RP1L1: variants seen among roughly 807,000 people sequenced by gnomAD.
The protein encoded by RP1L1 is RP1 like 1.
A neutral mutation model predicts 15.7 loss-of-function variants in RP1L1; 27 were observed. The observed-to-expected ratio is 1.72, with a 90% confidence interval of 1.27 to 2.38. The LOEUF (loss-of-function observed/expected upper bound fraction) is 2.38. Ranked by LOEUF, RP1L1 falls within the 30% of genes most tolerant of loss-of-function variation. The pLI is 0.00. For missense variants in RP1L1, 4,798 were observed against 3,075.9 expected, an observed-to-expected ratio of 1.56 and a Z score of -13.24; for synonymous variants, 1,813 against 1,276.7, an observed-to-expected ratio of 1.42 and a Z score of -8.96.
At chr8:10,654,420 C>T (rs1798608227) in intron 1 of RP1L1, among the ~76,000 whole-genome samples, 2 of 152,098 alleles carry the variant, frequency 1.3e-5, no homozygotes, top group Admixed American at 1.3e-4. Context: ...TTCAGAGATT[C>T]TTGAAGTCTC....
rs1563123764 is a variant in RP1L1, at chr8:10,611,164, C to G, written c.2934G>C (p.Glu978Asp). ...GGCCACCCCCAGCTGCACCTGTGGTCTCGTCCGCCAACTCATATGTCATGA... is the reference window on the plus strand; with the variant it reads ...GGCCACCCCCAGCTGCACCTGTGGTGTCGTCCGCCAACTCATATGTCATGA... ...PILMTYELAD[E>D]TTGAAGGGLR... The change falls in exon 4 of 4, where the codon GAG (glutamate) becomes GAC (aspartate). Residue 978 changes from glutamate to aspartate, a missense_variant. Physicochemically the swap from Glu to Asp is conservative, Grantham distance 45 (BLOSUM62 2). Transcript: ENST00000382483. 1.2e-6 allele frequency: 2 copies of G among 1,612,960 alleles called. No homozygotes were observed. Among genetic ancestry groups the G allele is most frequent in the East Asian group, 4.5e-5 (2 of 44,874 alleles).
intron 1 of RP1L1, among the ~76,000 whole-genome samples, chr8:10,624,415 G>A (rs980319727): frequency 6.6e-6 from 1 of 152,222 alleles, no homozygotes; most frequent in Non-Finnish European, 1.5e-5. Flanking sequence ...TACACTGGGT[G>A]TGACTGAATG....
chr8:10,609,558 A>T lies in RP1L1; in HGVS notation c.4540T>A (p.Cys1514Ser). ...SSVACSAALD[C>S]DPIWVSVLLK... ...AACACGGACACCCAGATGGGGTCGC[A>T]GTCCAGAGCCGCGCTGCAGGCCACC... Residue 1514 changes from cysteine to serine, a missense_variant, in exon 4 of 4, where the codon TGC becomes AGC. By Grantham distance (112) the Cys-to-Ser change is moderately radical. Transcript: ENST00000382483. The T allele has an allele frequency of 6.2e-7, 1 of 1,603,076 alleles. No individual in the cohort carries two copies. Among genetic ancestry groups the T allele is most frequent in the East Asian group, 2.2e-5 (1 of 44,748 alleles).
intron 1 of RP1L1, among the ~76,000 whole-genome samples, chr8:10,635,529 T>G (rs890221922): frequency 2.0e-5 from 3 of 152,244 alleles, no homozygotes; most frequent in Non-Finnish European, 2.9e-5. Flanking sequence ...CTACTGAGAC[T>G]GGGCATGGTC....
rs75355484 is a variant in RP1L1 at position 10,612,712 on chromosome 8, G to C, written c.1386C>G (p.Pro462=). ...SASPASSTGL[P]EGSEPESSCC... Reference sequence around the variant, plus strand: ...AGGAGGACTCTGGCTCCGAGCCCTCGGGGAGGCCGGTGCTGGAGGCTGGGC... The same window carrying C: ...AGGAGGACTCTGGCTCCGAGCCCTCCGGGAGGCCGGTGCTGGAGGCTGGGC... Residue 462 remains proline (P), a synonymous_variant, in exon 4 of 4, where the codon CCC becomes CCG. Coordinates refer to ENST00000382483, the MANE Select transcript of RP1L1 (RefSeq NM_178857.6). 8.1e-6 allele frequency: 13 copies of C among 1,604,600 alleles called. No homozygotes were observed. The East Asian group carries it at 2.9e-4, about 36-fold the overall frequency.
Position 10,609,879 on chromosome 8 carries a change from C to G in RP1L1, c.4219G>C (p.Gly1407Arg). The G allele has an allele frequency of 1.2e-6, 2 of 1,614,088 alleles. No individual in the cohort carries two copies. The highest frequency in any genetic ancestry group is 1.7e-6 in the Non-Finnish European group (2 of 1,180,038). Residue 1407 changes from glycine (G) to arginine (R), a missense_variant, in exon 4 of 4, where the codon GGG becomes CGG. Physicochemically the swap from Gly to Arg is moderately radical, Grantham distance 125. Coordinates refer to ENST00000382483, the MANE Select transcript of RP1L1 (RefSeq NM_178857.6). ...EGLPEEGSVH[G>R]QELSEASSPD... The stretch of plus-strand genomic sequence containing the variant: ...GAGCTGGCCTCTGACAATTCCTGCC[C>G]GTGGACGCTTCCTTCTTCTGGAAGT...
At position 10,646,952 on chromosome 8, in the gene RP1L1, T is replaced by TG. The variant is rs1798488191; in HGVS notation, c.-20+7945dup. ...TCCCCCCCTCAGTTGTCAGCTTCCT[T>TG]GGGGGTCGCTCCAGTGGAAGAAAGC... On this transcript the variant is annotated intron_variant, in intron 1 of 3. Transcript: ENST00000382483. Among the ~76,000 whole-genome samples the TG allele has an allele frequency of 2.0e-5, 3 of 152,254 alleles. No homozygotes were observed. In the South Asian group the frequency reaches 6.2e-4, roughly 32 times the overall value.
Position 10,609,783 on chromosome 8 carries a change from C to T in RP1L1, c.4315G>A (p.Ala1439Thr). The T allele has an allele frequency of 6.2e-7, 1 of 1,614,002 alleles. No individual in the cohort carries two copies. ...EEEAGRASASAEPCPAEGTEE... is the reference protein window; with the variant it reads ...EEEAGRASASTEPCPAEGTEE... ...GTGCCCTCTGCGGGGCACGGCTCTG[C>T]AGAGGCAGAGGCTCTTCCTGCTTCC... Residue 1439 changes from alanine to threonine, a missense_variant, in exon 4 of 4, where the codon GCA (alanine) becomes ACA (threonine). Physicochemically the swap from Ala to Thr is moderately conservative, Grantham distance 58. Transcript: ENST00000382483.
intron 2 of RP1L1, among the ~76,000 whole-genome samples, chr8:10,617,546 C>CTGTTTTTTTTT (rs1554453571): frequency 1.6e-5 from 1 of 63,390 alleles, no homozygotes; most frequent in African/African-American, 6.2e-5. Flanking sequence ...GTTTCTTTTT[C>CTGTTTTTTTTT]TTTTTTTTTT....
At chr8:10,626,857 G>C (rs1171339724) in intron 1 of RP1L1, among the ~76,000 whole-genome samples, 3 of 152,176 alleles carry the variant, frequency 2.0e-5, no homozygotes, top group African/African-American at 7.2e-5. Context: ...GGTGCTGAGA[G>C]CGGCAGGAGC....
Position 10,610,013 on chromosome 8 carries a change from G to A in RP1L1, c.4085C>T (p.Thr1362Ile), listed in dbSNP as rs776982330. 6 of 1,527,986 alleles carry A rather than the reference G, an allele frequency of 3.9e-6. 1 individual carries two copies. The African/African-American group carries it at 4.9e-5, about 12-fold the overall frequency. The allele number at this position is 1,527,986 out of a possible 1,614,324, so 94.7% of individuals were successfully genotyped here. A position where few individuals can be genotyped will look rare whatever the true frequency, so the allele number is the denominator to read the frequency against. ...CTCTTCTTGCAGCCCTTCTCCTCCT[G>A]TTTCTTCAATTTCCTCTAACTGCGC... ...EEAQLEEIEE[T>I]GGEGLQEEGV... is the part of the protein sequence containing the mutation. The change falls in exon 4 of 4, where the codon ACA becomes ATA. Residue 1362 changes from threonine to isoleucine, a missense_variant. Physicochemically the swap from Thr to Ile is moderately conservative, Grantham distance 89. Coordinates refer to ENST00000382483, the MANE Select transcript of RP1L1 (RefSeq NM_178857.6).
chr8:10,619,032 G>T (rs961446498), intron 2 of RP1L1, among the ~76,000 whole-genome samples: 1 of 152,020 alleles, frequency 6.6e-6, no homozygotes, highest in Non-Finnish European at 1.5e-5. Context: ...CACCATGCCT[G>T]GCTAATTTTA....
intron 1 of RP1L1, among the ~76,000 whole-genome samples, chr8:10,641,670 C>A (rs922003782): frequency 1.6e-4 from 24 of 152,080 alleles, no homozygotes; most frequent in Non-Finnish European, 1.6e-4. Context: ...GGACATTTAT[C>A]CAGAGAAATG....
chr8:10,625,596 C>T (rs1034063746), intron 1 of RP1L1, among the ~76,000 whole-genome samples: 6 of 152,162 alleles, frequency 3.9e-5, no homozygotes, highest in Admixed American at 6.5e-5. Flanking sequence ...AGCCTCATGA[C>T]TGAGCGATAA....
At chr8:10,646,109 G>C (rs566948785) in intron 1 of RP1L1, among the ~76,000 whole-genome samples, 7 of 152,348 alleles carry the variant, frequency 4.6e-5, no homozygotes, top group African/African-American at 1.7e-4. Flanking sequence ...GAACCAGGCT[G>C]CACTGGGAAG....
intron 1 of RP1L1, among the ~76,000 whole-genome samples, chr8:10,623,723 T>C (rs1798113260): frequency 6.6e-6 from 1 of 151,306 alleles, no homozygotes. Flanking sequence ...AGCATTACCA[T>C]GTCCCTAGAG....
chr8:10,639,081 G>A (rs1023900163), intron 1 of RP1L1, among the ~76,000 whole-genome samples: 1 of 151,860 alleles, frequency 6.6e-6, no homozygotes, highest in African/African-American at 2.4e-5. Flanking sequence ...GGAGGCAGGG[G>A]TTGCAGTGAG....
At chr8:10,639,329 C>A (rs558435966) in intron 1 of RP1L1, among the ~76,000 whole-genome samples, 1 of 152,084 alleles carries the variant, frequency 6.6e-6, no homozygotes, top group East Asian at 1.9e-4. Context: ...GCTCTATCCT[C>A]CGTGTGTTAA....
At chr8:10,637,205 A>G (rs1798342709) in intron 1 of RP1L1, among the ~76,000 whole-genome samples, 1 of 152,134 alleles carries the variant, frequency 6.6e-6, no homozygotes, top group Non-Finnish European at 1.5e-5. Context: ...GCCTCTCCCC[A>G]CGTAGTAAGG....
Sources: gnomAD v4.1 joint callset for allele counts (sites outside exome capture counted in the v4.1 genomes callset) on GRCh38, gnomAD v4.1.1 for gene constraint, MANE v1.5 for transcripts, NCBI Gene and HGNC (gene_info 2026-07-23, HGNC 2026-07-21) for gene names.